Variants in LEPR observed in about 807,000 individuals in gnomAD.
LEPR encodes leptin receptor.
Under a neutral mutation model 114.7 loss-of-function variants are expected in LEPR, and 56 were observed. The observed-to-expected ratio is 0.49, with a 90% confidence interval of 0.39 to 0.61. The LOEUF is 0.61. Among genes scored for constraint, LEPR ranks in the 20% least tolerant of loss-of-function variants. LEPR has a pLI of 0.00. For synonymous variants in LEPR, 443 were observed against 461.4 expected (o/e 0.96, Z 0.51); for missense variants, 1,202 against 1,352.9 (o/e 0.89, Z 1.75).
chr1:65,502,285 A>G (rs1648490073), intron 2 of LEPR, among the ~76,000 whole-genome samples: 1 of 152,126 alleles, frequency 6.6e-6, no homozygotes, highest in Non-Finnish European at 1.5e-5. Context: ...GTGTGCACCC[A>G]GAGGAAAGAC....
rs919486528 is a variant in LEPR at position 65,633,759 on chromosome 1, C to T, written c.2674-2432C>T. 2 of 985,376 alleles carry T rather than the reference C, an allele frequency of 2.0e-6. No homozygotes were observed. The highest frequency in any genetic ancestry group is 9.4e-5 in the South Asian group (2 of 21,286). 61.0% of individuals were successfully genotyped at this position (985,376 alleles called of 1,614,324 possible). On this transcript the variant is annotated intron_variant, in intron 19 of 19. Coordinates refer to ENST00000349533, the MANE Select transcript of LEPR (RefSeq NM_002303.6). This position sits in a 1 kb window ranked among gnomAD's most constrained non-coding sequence, Gnocchi z 4.1. ...ATTTTTGTATCTAACTTTGTTCAAT[C>T]TGGGAATTTCAGTTTTCAATATCCT...
At chr1:65,550,430 A>T (rs914373130) in intron 2 of LEPR, among the ~76,000 whole-genome samples, 5 of 152,214 alleles carry the variant, frequency 3.3e-5, no homozygotes, top group Admixed American at 2.6e-4. Context: ...TGGAGCCTAC[A>T]GAGGCAGGCA....
At chr1:65,550,866 C>G (rs1057291638) in intron 2 of LEPR, among the ~76,000 whole-genome samples, 1 of 152,064 alleles carries the variant, frequency 6.6e-6, no homozygotes, top group African/African-American at 2.4e-5. Context: ...TGAGATGAAC[C>G]CGGTACCTCA....
chr1:65,513,048 C>A (rs1314570171), intron 2 of LEPR, among the ~76,000 whole-genome samples: 1 of 152,192 alleles, frequency 6.6e-6, no homozygotes, highest in Non-Finnish European at 1.5e-5. Context: ...ATGGTGCCCT[C>A]ATCCAAGCTC....
intron 3 of LEPR, among the ~76,000 whole-genome samples, chr1:65,566,463 G>A (rs1653767863): frequency 1.3e-5 from 2 of 152,152 alleles, no homozygotes; most frequent in Non-Finnish European, 2.9e-5. Context: ...GCCTCCCAAA[G>A]TGCTGGGATT....
chr1:65,493,345 A>G (rs1262097764), intron 2 of LEPR, among the ~76,000 whole-genome samples: 1 of 152,052 alleles, frequency 6.6e-6, no homozygotes, highest in Non-Finnish European at 1.5e-5. Flanking sequence ...TTGATTCTCC[A>G]CAATAGATTT....
At chr1:65,608,331 T>C (rs545245812) in intron 11 of LEPR, among the ~76,000 whole-genome samples, 4 of 151,818 alleles carry the variant, frequency 2.6e-5, no homozygotes, top group African/African-American at 7.2e-5. Flanking sequence ...CCCGGGTTCA[T>C]GCCATTCTCC....
intron 2 of LEPR, among the ~76,000 whole-genome samples, chr1:65,466,456 C>A (rs1486607071): frequency 6.6e-6 from 1 of 152,190 alleles, no homozygotes; most frequent in Non-Finnish European, 1.5e-5. Flanking sequence ...CTGCCCTTAA[C>A]ATTTTTTCCT....
intron 2 of LEPR, among the ~76,000 whole-genome samples, chr1:65,524,261 T>C (rs1282218449): frequency 6.6e-6 from 1 of 152,358 alleles, no homozygotes; most frequent in South Asian, 2.1e-4. Flanking sequence ...TGCAGAAACC[T>C]ACCTCAATTT....
intron 3 of LEPR, among the ~76,000 whole-genome samples, chr1:65,568,419 A>T (rs2100795585): frequency 6.6e-6 from 1 of 152,224 alleles, no homozygotes; most frequent in East Asian, 1.9e-4. Context: ...ACTTAGAATA[A>T]TGGCCTTTAG....
rs1430022418 is a variant in LEPR at position 65,618,048 on chromosome 1, A to G, written c.2297A>G (p.Lys766Arg). 1 of 1,612,876 alleles carries G rather than the reference A, an allele frequency of 6.2e-7. No homozygotes were observed. Among genetic ancestry groups the G allele is most frequent in the African/African-American group, 1.3e-5 (1 of 74,884 alleles). The change falls in exon 16 of 20, where the codon AAG becomes AGG. Residue 766 changes from lysine to arginine, a missense_variant. Lys to Arg is a conservative substitution (Grantham distance 26). Transcript: ENST00000349533. Reference protein sequence around the residue: ...VSWILSPSDYKLMYFIIEWKN... With the variant: ...VSWILSPSDYRLMYFIIEWKN... Reference sequence around the variant, plus strand: ...TGGATACTATCACCCAGTGATTACAAGCTAATGTATTTTATTATTGAGTGG... The same window carrying G: ...TGGATACTATCACCCAGTGATTACAGGCTAATGTATTTTATTATTGAGTGG...
At chr1:65,599,878 C>T (rs1484103232) in intron 8 of LEPR, among the ~76,000 whole-genome samples, 2 of 151,992 alleles carry the variant, frequency 1.3e-5, no homozygotes, top group Non-Finnish European at 2.9e-5. Flanking sequence ...TTCAATATCT[C>T]ATATCAATTT....
intron 2 of LEPR, among the ~76,000 whole-genome samples, chr1:65,487,569 G>C: frequency 6.6e-6 from 1 of 151,920 alleles, no homozygotes; most frequent in East Asian, 1.9e-4. Context: ...CCAGAGTAAA[G>C]AAAAGTTGAC....
rs567196085 is a variant in LEPR, at chr1:65,640,069, C to T, written c.*3054C>T. ...TAAGGTTTTATAACCTTAGGCATGT[C>T]ATTCTTCTACTTCTCATTTTTCCCT... On this transcript the variant is annotated 3_prime_UTR_variant, in exon 20 of 20. Coordinates refer to ENST00000349533, the MANE Select transcript of LEPR (RefSeq NM_002303.6). 6.6e-6 allele frequency: 1 copy of T among 152,150 alleles called. No homozygotes were observed. Among genetic ancestry groups the T allele is most frequent in the South Asian group, 2.1e-4 (1 of 4,820 alleles). The allele number at this position is 152,150 out of a possible 1,614,324, so 9.4% of individuals were successfully genotyped here.
At position 65,545,044 on chromosome 1, in the gene LEPR, A is replaced by G. The variant is rs1455127176; in HGVS notation, c.-20-20502A>G. Among the ~76,000 whole-genome samples the G allele has an allele frequency of 6.6e-4, 99 of 149,502 alleles. 3 individuals carry two copies. In the South Asian group the frequency reaches 0.016, roughly 24 times the overall value. On this transcript the variant is annotated intron_variant, in intron 2 of 19. Coordinates refer to ENST00000349533, the MANE Select transcript of LEPR (RefSeq NM_002303.6). ...ATTGTTCAATTCCCACCTATGAGTG[A>G]GAATATGCGGTGTTTGGTTTTTTGT...
chr1:65,609,395 AG>A (rs532114531), intron 12 of LEPR, among the ~76,000 whole-genome samples: 4 of 152,372 alleles, frequency 2.6e-5, no homozygotes, highest in African/African-American at 9.6e-5. Flanking sequence ...TCAAACAAAC[AG>A]AGTCATTCCC....
intron 2 of LEPR, among the ~76,000 whole-genome samples, chr1:65,489,326 G>GTA (rs1302213981): frequency 6.6e-6 from 1 of 152,080 alleles, no homozygotes; most frequent in Non-Finnish European, 1.5e-5. Flanking sequence ...CAGTGGAATG[G>GTA]TATCTCATTG....
rs115177898 is a variant in LEPR, at chr1:65,424,993, A to G, written c.-96-310A>G. ...CTGTAACGGGTCAAATGTAACCTCAATAAAATGAGTAAATTGCTACATTTG... is the reference window on the plus strand; with the variant it reads ...CTGTAACGGGTCAAATGTAACCTCAGTAAAATGAGTAAATTGCTACATTTG... On this transcript the variant is annotated intron_variant, in intron 1 of 19. Transcript: ENST00000349533. Among the ~76,000 whole-genome samples the G allele has an allele frequency of 3.7e-3, 570 of 152,356 alleles. 5 individuals are homozygous for G. Among genetic ancestry groups the G allele is most frequent in the African/African-American group, 0.013 (556 of 41,584 alleles).
At chr1:65,503,703 G>T (rs1430213078) in intron 2 of LEPR, among the ~76,000 whole-genome samples, 1 of 152,066 alleles carries the variant, frequency 6.6e-6, no homozygotes, top group African/African-American at 2.4e-5. Context: ...ATTAGAGTTA[G>T]AGACATCAGT....
Sources: gnomAD v4.1 joint callset for allele counts (sites outside exome capture counted in the v4.1 genomes callset) on GRCh38, gnomAD v4.1.1 for gene constraint, Gnocchi (gnomAD v3.1) non-coding constraint, MANE v1.5 for transcripts, NCBI Gene and HGNC (gene_info 2026-07-23, HGNC 2026-07-21) for gene names.